Variants in ARID3B observed in about 807,000 individuals in gnomAD.
ARID3B encodes AT-rich interaction domain 3B, also known as AT-rich interactive domain-containing protein 3B.
A neutral mutation model predicts 51.9 loss-of-function variants in ARID3B; 10 were observed. The ratio of observed to expected loss-of-function variants is 0.19; its 90% CI spans 0.12 to 0.33. ARID3B has a LOEUF of 0.33. Among genes scored for constraint, ARID3B ranks in the 10% least tolerant of loss-of-function variants. The pLI, the probability that ARID3B is intolerant of heterozygous loss-of-function variation, is 1.00. For synonymous variants in ARID3B, 205 were observed against 279.5 expected, an observed-to-expected ratio of 0.73 and a Z score of 2.66; for missense variants, 483 against 716.3, an observed-to-expected ratio of 0.67 and a Z score of 3.72.
chr15:74,572,865 G>A lies in ARID3B; in HGVS notation c.556G>A (p.Gly186Ser). The change falls in exon 3 of 9, where the codon GGT (glycine) becomes AGT (serine). Residue 186 changes from glycine (G) to serine (S), a missense_variant. Gly to Ser is a moderately conservative substitution (Grantham distance 56). Transcript: ENST00000346246. Reference sequence around the variant, plus strand: ...TTTGTGTTTTGTTCCCTTTTAGAATGGTGGTTTGGCCTGGAGTGATGATGC... The same window carrying A: ...TTTGTGTTTTGTTCCCTTTTAGAATAGTGGTTTGGCCTGGAGTGATGATGC... Reference protein sequence around the residue: ...WNLDEQLKQNGGLAWSDDADG... With the variant: ...WNLDEQLKQNSGLAWSDDADG... 2 of 1,614,106 alleles carry A rather than the reference G, an allele frequency of 1.2e-6. No individual in the cohort carries two copies. The highest frequency in any genetic ancestry group is 1.3e-5 in the African/African-American group (1 of 75,014).
chr15:74,588,808 C>A (rs1299658401), intron 4 of ARID3B, among the ~76,000 whole-genome samples: 1 of 151,910 alleles, frequency 6.6e-6, no homozygotes, highest in African/African-American at 2.4e-5. Context: ...CCCTCGGGGC[C>A]ATTGGGTGGA....
intron 2 of ARID3B, among the ~76,000 whole-genome samples, chr15:74,554,869 C>G (rs1218039994): frequency 1.3e-5 from 2 of 152,056 alleles, no homozygotes; most frequent in Non-Finnish European, 2.9e-5. Flanking sequence ...ATAAGTCATA[C>G]ATTTTTTGTT....
chr15:74,590,207 G>A (rs1472408770), intron 5 of ARID3B, among the ~76,000 whole-genome samples: 2 of 152,190 alleles, frequency 1.3e-5, no homozygotes, highest in African/African-American at 4.8e-5. Context: ...ACTCTGTGCT[G>A]GTACTTTACT....
chr15:74,576,840 C>A (rs2061739876), intron 4 of ARID3B, among the ~76,000 whole-genome samples: 1 of 152,064 alleles, frequency 6.6e-6, no homozygotes, highest in Non-Finnish European at 1.5e-5. Flanking sequence ...TGTATCAGAC[C>A]CAACCATGGA....
intron 2 of ARID3B, among the ~76,000 whole-genome samples, chr15:74,554,698 C>T (rs2061650831): frequency 6.6e-6 from 1 of 152,054 alleles, no homozygotes; most frequent in African/African-American, 2.4e-5. Context: ...TTTATTTAGC[C>T]TTTATGTCCT....
At chr15:74,580,448 G>A (rs1237989423) in intron 4 of ARID3B, among the ~76,000 whole-genome samples, 1 of 152,200 alleles carries the variant, frequency 6.6e-6, no homozygotes, top group African/African-American at 2.4e-5. Flanking sequence ...TGAAACAGAA[G>A]TGTGGTTTCA....
intron 4 of ARID3B, among the ~76,000 whole-genome samples, chr15:74,580,717 TCTC>T (rs1447835876): frequency 2.0e-5 from 3 of 152,120 alleles, no homozygotes; most frequent in African/African-American, 7.2e-5. Context: ...GTGCTTTGCT[TCTC>T]CTGCCTTATC....
intron 2 of ARID3B, among the ~76,000 whole-genome samples, chr15:74,557,595 C>G (rs2061663421): frequency 6.6e-6 from 1 of 152,010 alleles, no homozygotes; most frequent in East Asian, 1.9e-4. Flanking sequence ...TAGTGTCAGT[C>G]TGTTAATCTT....
intron 4 of ARID3B, among the ~76,000 whole-genome samples, chr15:74,579,359 C>T (rs961109384): frequency 1.3e-5 from 2 of 152,128 alleles, no homozygotes; most frequent in African/African-American, 4.8e-5. Flanking sequence ...GGCGCAGTGC[C>T]CTGTGGGGGT....
chr15:74,566,027 A>T (rs938317946), intron 2 of ARID3B, among the ~76,000 whole-genome samples: 1 of 152,106 alleles, frequency 6.6e-6, no homozygotes, highest in Non-Finnish European at 1.5e-5. Context: ...ATAAGAATTC[A>T]GATTAATCCT....
Position 74,593,236 on chromosome 15 carries a change from G to A in ARID3B, c.1519G>A (p.Gly507Ser), listed in dbSNP as rs1214132824. 6.2e-7 allele frequency: 1 copy of A among 1,611,672 alleles called. No individual in the cohort carries two copies. The highest frequency in any genetic ancestry group is 8.5e-7 in the Non-Finnish European group (1 of 1,179,362). ...GGACATCGATGGCACCACCTATGCA[G>A]GTGAGGCCCTGGAGCTCTGGGGGAG... Reference protein sequence around the residue: ...SVDIDGTTYAGVLFAQKPVVH... With the variant: ...SVDIDGTTYASVLFAQKPVVH... The change falls in exon 8 of 9, where the codon GGT (glycine) becomes AGT (serine). Residue 507 changes from glycine to serine, a missense_variant and splice_region_variant. Physicochemically the swap from Gly to Ser is moderately conservative, Grantham distance 56. This residue lies in a region of ARID3B where 265 missense variants were observed against 354.4 expected (regional missense o/e 0.75). Transcript: ENST00000346246.
At chr15:74,564,912 G>A (rs1194956499) in intron 2 of ARID3B, among the ~76,000 whole-genome samples, 1 of 152,000 alleles carries the variant, frequency 6.6e-6, no homozygotes, top group Non-Finnish European at 1.5e-5. Flanking sequence ...GAAGTCTAGT[G>A]ATTTTCTAAT....
At chr15:74,590,116 TC>T in intron 5 of ARID3B, 113 bp downstream of exon 5, 3 of 1,267,062 alleles carry the variant, frequency 2.4e-6, no homozygotes, top group Non-Finnish European at 3.2e-6. Flanking sequence ...ATGAGTGGAT[TC>T]CCGAAACAGT....
chr15:74,553,027 G>A (rs1567116641), intron 2 of ARID3B, among the ~76,000 whole-genome samples: 1 of 152,182 alleles, frequency 6.6e-6, no homozygotes, highest in Non-Finnish European at 1.5e-5. Context: ...CTCAAAGTGG[G>A]TGTACCATTT....
At chr15:74,544,980 G>A (rs1479016162) in intron 2 of ARID3B, among the ~76,000 whole-genome samples, 3 of 152,070 alleles carry the variant, frequency 2.0e-5, no homozygotes, top group South Asian at 2.1e-4. Context: ...ATGAGCCACC[G>A]CCCCTGGCCT....
intron 2 of ARID3B, among the ~76,000 whole-genome samples, chr15:74,552,208 C>T (rs558553750): frequency 0.025 from 3,625 of 143,490 alleles, 67 homozygotes; most frequent in Non-Finnish European, 0.043. Flanking sequence ...ACAACAGGCG[C>T]ATGCCACCAC....
In ARID3B at chr15:74,591,102, C is replaced by T. The variant is rs761179835; in HGVS notation, c.882-49C>T. 8 of 1,543,440 alleles carry T rather than the reference C, an allele frequency of 5.2e-6. No homozygotes were observed. In the East Asian group the frequency reaches 1.8e-4, roughly 35 times the overall value. On this transcript the variant is annotated intron_variant, in intron 5 of 8. Coordinates refer to ENST00000346246, the MANE Select transcript of ARID3B (RefSeq NM_006465.4). This position sits in a 1 kb window ranked among gnomAD's most constrained non-coding sequence, Gnocchi z 5.8. ...GACCCACCAACCTCAACTGGGTGGT[C>T]TCTGGTGCTGTTTTGGATTATTCTC...
intron 1 of ARID3B, among the ~76,000 whole-genome samples, chr15:74,541,759 G>C (rs1056706283): frequency 6.6e-6 from 1 of 152,238 alleles, no homozygotes; most frequent in East Asian, 1.9e-4. Flanking sequence ...AAAAGAATCC[G>C]GCAGCAAAAG....
Position 74,572,913 on chromosome 15 carries a change from A to G in ARID3B, c.604A>G (p.Ile202Val), listed in dbSNP as rs948566406. 4 of 1,614,138 alleles carry G rather than the reference A, an allele frequency of 2.5e-6. No individual in the cohort carries two copies. The East Asian group carries it at 6.7e-5, about 27-fold the overall frequency. ...DDADGGRGREISRDFAKLYEL... is the reference protein window; with the variant it reads ...DDADGGRGREVSRDFAKLYEL... ...TGCAGATGGAGGCCGGGGAAGAGAG[A>G]TCTCTCGAGATTTTGCCAAGGTCTG... The change falls in exon 3 of 9, where the codon ATC (isoleucine) becomes GTC (valine). Residue 202 changes from isoleucine to valine, a missense_variant. Coordinates refer to ENST00000346246, the MANE Select transcript of ARID3B (RefSeq NM_006465.4).
Sources: allele counts gnomAD v4.1 joint callset (sites outside exome capture counted in the v4.1 genomes callset), GRCh38; gene constraint gnomAD v4.1.1; regional missense constraint gnomAD v4.1.1; non-coding constraint Gnocchi (gnomAD v3.1); transcripts MANE v1.5; gene names NCBI Gene and HGNC (gene_info 2026-07-23, HGNC 2026-07-21).